NDRG3: variants seen among roughly 807,000 people sequenced by gnomAD.
NDRG3 encodes the protein protein NDRG3.
A neutral mutation model predicts 57.2 loss-of-function variants in NDRG3; 23 were observed. That is an observed-to-expected ratio of 0.40 (90% CI 0.29 to 0.57). NDRG3 has a LOEUF of 0.57. Among genes scored for constraint, NDRG3 ranks in the 20% least tolerant of loss-of-function variants. The pLI, the probability that NDRG3 is intolerant of heterozygous loss-of-function variation, is 0.42. For synonymous variants in NDRG3, 132 were observed against 162.6 expected, an observed-to-expected ratio of 0.81 and a Z score of 1.43; for missense variants, 384 against 457.3, an observed-to-expected ratio of 0.84 and a Z score of 1.46.
chr20:36,717,615 G>A (rs952647155), intron 2 of NDRG3, among the ~76,000 whole-genome samples: 11 of 152,152 alleles, frequency 7.2e-5, no homozygotes, highest in Non-Finnish European at 1.2e-4. Context: ...AATCTGTGAA[G>A]TAGGAATAAT....
At chr20:36,721,476 C>A (rs1014770071) in intron 2 of NDRG3, among the ~76,000 whole-genome samples, 2 of 151,768 alleles carry the variant, frequency 1.3e-5, no homozygotes, top group African/African-American at 4.8e-5. Flanking sequence ...TTGCAGTGAG[C>A]CGAGATTGCA....
chr20:36,664,512 C>A (rs191576402), intron 12 of NDRG3, among the ~76,000 whole-genome samples: 1 of 152,270 alleles, frequency 6.6e-6, no homozygotes, highest in Admixed American at 6.5e-5. Flanking sequence ...AGTTGTACTA[C>A]TTGCCACAAA....
chr20:36,722,762 T>C (rs958128495), intron 1 of NDRG3, among the ~76,000 whole-genome samples: 1 of 152,224 alleles, frequency 6.6e-6, no homozygotes, highest in Non-Finnish European at 1.5e-5. Flanking sequence ...CCCTGACTCC[T>C]GATATTCATT....
intron 3 of NDRG3, among the ~76,000 whole-genome samples, chr20:36,699,487 C>T (rs1211114640): frequency 5.3e-5 from 8 of 152,046 alleles, no homozygotes; most frequent in African/African-American, 1.7e-4. Context: ...AGAGAGCGTC[C>T]GACAACTTGT....
intron 3 of NDRG3, among the ~76,000 whole-genome samples, chr20:36,689,857 A>G (rs1282277602): frequency 6.6e-6 from 1 of 151,424 alleles, no homozygotes; most frequent in Admixed American, 6.6e-5. Flanking sequence ...AGTAGCTGGG[A>G]CTACAGGCAC....
chr20:36,727,901 C>T (rs1443437049), intron 1 of NDRG3, among the ~76,000 whole-genome samples: 2 of 152,016 alleles, frequency 1.3e-5, no homozygotes, highest in Admixed American at 6.6e-5. Context: ...AAAATCCCCA[C>T]ATCTAAGTAA....
chr20:36,739,166 A>AAAAT (rs1157120131), intron 1 of NDRG3, among the ~76,000 whole-genome samples: 7 of 116,364 alleles, frequency 6.0e-5, no homozygotes, highest in African/African-American at 2.6e-4. Flanking sequence ...AAAAAAAAAA[A>AAAAT]GGCCAGGCAC....
chr20:36,736,632 G>C (rs923559674), intron 1 of NDRG3, among the ~76,000 whole-genome samples: 5 of 152,146 alleles, frequency 3.3e-5, no homozygotes, highest in South Asian at 2.1e-4. Context: ...CTACGGTAAT[G>C]GATGTTGGTT....
chr20:36,718,682 CTATT>C (rs976322067), intron 2 of NDRG3, among the ~76,000 whole-genome samples: 1 of 151,976 alleles, frequency 6.6e-6, no homozygotes, highest in Non-Finnish European at 1.5e-5. Context: ...GCCTCTTTCT[CTATT>C]TATTTATTTT....
chr20:36,682,834 G>A (rs906504025), intron 6 of NDRG3, among the ~76,000 whole-genome samples: 10 of 151,980 alleles, frequency 6.6e-5, no homozygotes, highest in Admixed American at 6.6e-4. Flanking sequence ...GGCGGATCAC[G>A]AGGTCGGCGG....
Position 36,666,411 on chromosome 20 carries a change from G to A in NDRG3, c.589-19C>T, listed in dbSNP as rs2148044943. 6.4e-7 allele frequency: 1 copy of A among 1,558,822 alleles called. No individual in the cohort carries two copies. Among genetic ancestry groups the A allele is most frequent in the Non-Finnish European group, 8.8e-7 (1 of 1,129,950 alleles). ...ACTCTTCCTAGAACAATTGAAAGAA[G>A]ACATGGGTAAGCTTCTGAGCTCCAG... On this transcript the variant is annotated intron_variant, in intron 9 of 15. Coordinates refer to ENST00000349004, the MANE Select transcript of NDRG3 (RefSeq NM_032013.4).
chr20:36,673,771 G>A (rs998198509), intron 8 of NDRG3, among the ~76,000 whole-genome samples: 3 of 152,110 alleles, frequency 2.0e-5, no homozygotes, highest in African/African-American at 4.8e-5. Context: ...GGATAGTAAT[G>A]ATACCAATGG....
chr20:36,733,108 C>T (rs1447170253), intron 1 of NDRG3, among the ~76,000 whole-genome samples: 61 of 134,500 alleles, frequency 4.5e-4, no homozygotes, highest in Non-Finnish European at 7.9e-4. Context: ...GATTAAACCA[C>T]TGCACTCCAG....
rs1224273809 is a variant in NDRG3, at chr20:36,674,652, T to TCACCC, written c.532-3256_532-3255insGGGTG. On this transcript the variant is annotated intron_variant, in intron 8 of 15. Coordinates refer to ENST00000349004, the MANE Select transcript of NDRG3 (RefSeq NM_032013.4). ...TCTCTCTGTCACCCAGGCAGGACTGTAGTAGCATGATCATGGCTCACTGCA... is the reference window on the plus strand; with the variant it reads ...TCTCTCTGTCACCCAGGCAGGACTGTCACCCAGTAGCATGATCATGGCTCACTGCA... Among the ~76,000 whole-genome samples the TCACCC allele has an allele frequency of 4.7e-5, 7 of 150,134 alleles. No homozygotes were observed. In the East Asian group the frequency reaches 1.4e-3, roughly 29 times the overall value.
At chr20:36,677,080 G>A (rs1980799080) in intron 8 of NDRG3, among the ~76,000 whole-genome samples, 1 of 152,234 alleles carries the variant, frequency 6.6e-6, no homozygotes, top group South Asian at 2.1e-4. Flanking sequence ...CTGCAGACCT[G>A]GGCCTCTGGC....
rs1345184837 is a variant in NDRG3, at chr20:36,687,530, G to T, written c.282C>A (p.Ala94=). 1 of 1,613,944 alleles carries T rather than the reference G, an allele frequency of 6.2e-7. No individual in the cohort carries two copies. Among genetic ancestry groups the T allele is most frequent in the Admixed American group, 1.7e-5 (1 of 60,004 alleles). The change falls in exon 5 of 16, where the codon GCC becomes GCA. Residue 94 remains alanine, a synonymous_variant. Coordinates refer to ENST00000349004, the MANE Select transcript of NDRG3 (RefSeq NM_032013.4). ...AGGGTGCACCTTCCTGCTGGCCTGG[G>T]GCATCCACATGACAGACAGCAAAGT... ...TQHFAVCHVD[A]PGQQEGAPSF...
At chr20:36,738,632 G>A (rs1184671565) in intron 1 of NDRG3, among the ~76,000 whole-genome samples, 2 of 151,816 alleles carry the variant, frequency 1.3e-5, no homozygotes, top group Non-Finnish European at 1.5e-5. Flanking sequence ...AGACAAGCCT[G>A]GCCAACATGG....
chr20:36,714,841 G>A (rs1440007725), intron 2 of NDRG3, among the ~76,000 whole-genome samples: 3 of 150,872 alleles, frequency 2.0e-5, no homozygotes, highest in South Asian at 2.1e-4. Flanking sequence ...TCGAACTCCC[G>A]ACCTCAGGTG....
intron 8 of NDRG3, among the ~76,000 whole-genome samples, chr20:36,672,855 A>T (rs2148062959): frequency 6.6e-6 from 1 of 151,918 alleles, no homozygotes; most frequent in South Asian, 2.1e-4. Flanking sequence ...GTACCCACAT[A>T]TTAAGAAAGA....
Sources: gnomAD v4.1 joint callset for allele counts (sites outside exome capture counted in the v4.1 genomes callset) on GRCh38, gnomAD v4.1.1 for gene constraint, MANE v1.5 for transcripts, NCBI Gene and HGNC (gene_info 2026-07-23, HGNC 2026-07-21) for gene names.